DCC: variants seen among roughly 807,000 people sequenced by gnomAD.
DCC encodes netrin receptor DCC.
DCC carries 58 observed loss-of-function variants against 172.5 expected under a neutral mutation model. That is an observed-to-expected ratio of 0.34 (90% confidence interval 0.27 to 0.42). The LOEUF (loss-of-function observed/expected upper bound fraction) is 0.42. Among genes scored for constraint, DCC ranks in the 10% least tolerant of loss-of-function variants. The pLI is 1.00. For missense variants in DCC, 1,740 were observed against 1,791.0 expected (o/e 0.97, Z 0.51); for synonymous variants, 709 against 644.5 (o/e 1.10, Z -1.52).
chr18:53,206,653 T>A (rs910168388), intron 10 of DCC, among the ~76,000 whole-genome samples: 3 of 145,436 alleles, frequency 2.1e-5, no homozygotes, highest in African/African-American at 7.5e-5. Context: ...ATATAATATA[T>A]GTATACATAT....
chr18:52,929,845 C>T (rs2145499910), intron 5 of DCC, among the ~76,000 whole-genome samples: 1 of 151,702 alleles, frequency 6.6e-6, no homozygotes, highest in Non-Finnish European at 1.5e-5. Flanking sequence ...CACACACACA[C>T]ACACACACAC....
intron 11 of DCC, among the ~76,000 whole-genome samples, 154 bp from the exon 12 acceptor site, chr18:53,215,394 T>A (rs1173788567): frequency 6.6e-6 from 1 of 152,100 alleles, no homozygotes; most frequent in Non-Finnish European, 1.5e-5. Context: ...ATTTTTCATC[T>A]CTCCAAAAAT....
chr18:52,947,131 AT>A (rs2040560767), intron 5 of DCC, among the ~76,000 whole-genome samples: 1 of 152,150 alleles, frequency 6.6e-6, no homozygotes, highest in Admixed American at 6.5e-5. Flanking sequence ...GAATATTTGT[AT>A]CAAAACATTA....
At chr18:52,978,168 G>A (rs955294842) in intron 5 of DCC, among the ~76,000 whole-genome samples, 2 of 151,940 alleles carry the variant, frequency 1.3e-5, no homozygotes, top group Non-Finnish European at 2.9e-5. Flanking sequence ...CATTGAAAAA[G>A]TATTAAGAAG....
At chr18:52,709,421 G>T (rs1245161214) in intron 1 of DCC, among the ~76,000 whole-genome samples, 4 of 152,160 alleles carry the variant, frequency 2.6e-5, no homozygotes, top group Non-Finnish European at 5.9e-5. Flanking sequence ...AGAGGTCAAT[G>T]GTAGAAAACA....
rs41411748 is a variant in DCC at position 53,255,054 on chromosome 18, T to C, written c.1911+39457T>C. Among the ~76,000 whole-genome samples the C allele has an allele frequency of 6.9e-3, 1,050 of 152,074 alleles. 14 individuals carry two copies. The highest frequency in any genetic ancestry group is 0.024 in the African/African-American group (976 of 41,502). ...ATTGGAAACAATGAGTCAGCTATTA[T>C]GTCCACGTCTGAAAGTGCTTTCCTG... On this transcript the variant is annotated intron_variant, in intron 12 of 28. Coordinates refer to ENST00000442544, the MANE Select transcript of DCC (RefSeq NM_005215.4).
rs572279832 is a variant in DCC, at chr18:52,789,015, G to A, written c.412+36641G>A. Among the ~76,000 whole-genome samples, 5 of 152,048 alleles carry A rather than the reference G, an allele frequency of 3.3e-5. No individual in the cohort carries two copies. The East Asian group carries it at 7.8e-4, about 24-fold the overall frequency. On this transcript the variant is annotated intron_variant, in intron 2 of 28. Transcript: ENST00000442544. ...GTTTGTATGTTTCAGGTGACCAAGA[G>A]TATGCTTCTCTGATTCAAAAGTGCA... is the stretch of plus-strand genomic sequence containing the variant.
In DCC at chr18:53,207,767, A is replaced by C; in HGVS notation, c.1811A>C (p.Tyr604Ser). Reference protein sequence around the residue: ...YSLRFLAYNRYGPGVSTDDIT... With the variant: ...YSLRFLAYNRSGPGVSTDDIT... Reference sequence around the variant, plus strand: ...CTTCGATTCTTAGCTTATAATCGCTATGGTCCGGGCGTCTCTACTGATGAT... The same window carrying C: ...CTTCGATTCTTAGCTTATAATCGCTCTGGTCCGGGCGTCTCTACTGATGAT... Residue 604 changes from tyrosine (Y) to serine (S), a missense_variant, in exon 11 of 29, where the codon TAT becomes TCT. Transcript: ENST00000442544. The C allele has an allele frequency of 6.2e-7, 1 of 1,613,372 alleles. No homozygotes were observed. Among genetic ancestry groups the C allele is most frequent in the East Asian group, 2.2e-5 (1 of 44,862 alleles).
intron 2 of DCC, among the ~76,000 whole-genome samples, chr18:52,766,190 A>G (rs2037249617): frequency 6.6e-6 from 1 of 152,218 alleles, no homozygotes. Context: ...ACAAGCGAGC[A>G]GGTACAGGAG....
intron 12 of DCC, among the ~76,000 whole-genome samples, chr18:53,298,545 A>T (rs1025345071): frequency 6.7e-6 from 1 of 150,088 alleles, no homozygotes; most frequent in African/African-American, 2.4e-5. Flanking sequence ...AAAAAAAAAA[A>T]AAAAAAAAAA....
At chr18:53,510,641 A>ATGTT (rs367770008) in intron 27 of DCC, among the ~76,000 whole-genome samples, 6 of 152,180 alleles carry the variant, frequency 3.9e-5, no homozygotes, top group African/African-American at 1.4e-4. Context: ...GCCAAGTACT[A>ATGTT]TGTTTGTTTG....
At position 52,460,781 on chromosome 18, in the gene DCC, T is replaced by C. The variant is rs543841648; in HGVS notation, c.91+119903T>C. Among the ~76,000 whole-genome samples the C allele has an allele frequency of 3.3e-5, 5 of 152,160 alleles. No individual in the cohort carries two copies. In the South Asian group the frequency reaches 6.2e-4, roughly 19 times the overall value. ...GAAAAGGTACAATAAAAATTCTGTA[T>C]AAAAGATTACTAATGGAAGATCTAC... On this transcript the variant is annotated intron_variant, in intron 1 of 28. Transcript: ENST00000442544.
At chr18:53,161,248 ACCT>A (rs1291985395) in intron 8 of DCC, among the ~76,000 whole-genome samples, 4 of 152,088 alleles carry the variant, frequency 2.6e-5, no homozygotes, top group Non-Finnish European at 5.9e-5. Context: ...TTCACCAATA[ACCT>A]CCTGTTGCTA....
At chr18:52,845,975 C>G (rs2145328562) in intron 2 of DCC, among the ~76,000 whole-genome samples, 1 of 152,288 alleles carries the variant, frequency 6.6e-6, no homozygotes, top group East Asian at 1.9e-4. Context: ...CTTCAGTGTG[C>G]TTATGTAAGG....
chr18:52,625,392 A>G (rs1214349334), intron 1 of DCC, among the ~76,000 whole-genome samples: 1 of 152,140 alleles, frequency 6.6e-6, no homozygotes, highest in Admixed American at 6.5e-5. Flanking sequence ...AACAACTATG[A>G]ATTATCCTGT....
chr18:53,275,305 C>T (rs1432801537), intron 12 of DCC, among the ~76,000 whole-genome samples: 7 of 152,016 alleles, frequency 4.6e-5, no homozygotes, highest in African/African-American at 1.7e-4. Context: ...AATCATTGTA[C>T]AAAAATTCTC....
chr18:53,520,201 C>A (rs544382423), intron 27 of DCC, among the ~76,000 whole-genome samples: 1 of 151,994 alleles, frequency 6.6e-6, no homozygotes, highest in Non-Finnish European at 1.5e-5. Flanking sequence ...AGGAACAGAT[C>A]GGGGTTAGGA....
At chr18:52,976,266 A>T (rs1361744678) in intron 5 of DCC, among the ~76,000 whole-genome samples, 1 of 151,820 alleles carries the variant, frequency 6.6e-6, no homozygotes, top group Non-Finnish European at 1.5e-5. Flanking sequence ...CAGATGCATC[A>T]TTTGCACAAG....
At chr18:52,650,875 A>G (rs1406363647) in intron 1 of DCC, among the ~76,000 whole-genome samples, 4 of 152,250 alleles carry the variant, frequency 2.6e-5, no homozygotes, top group Admixed American at 2.6e-4. Context: ...TATGAAATAG[A>G]AGATATCTCT....
Sources: allele counts gnomAD v4.1 joint callset (sites outside exome capture counted in the v4.1 genomes callset), GRCh38; gene constraint gnomAD v4.1.1; transcripts MANE v1.5; gene names NCBI Gene and HGNC (gene_info 2026-07-23, HGNC 2026-07-21).